CNTN4: variants seen among roughly 807,000 people sequenced by gnomAD.
CNTN4 encodes the protein contactin 4, also known as contactin-4.
Under a neutral mutation model 122.5 loss-of-function variants are expected in CNTN4, and 77 were observed. The ratio of observed to expected loss-of-function variants is 0.63; its 90% CI spans 0.52 to 0.76. The LOEUF (loss-of-function observed/expected upper bound fraction) is 0.76, where lower values mean the gene tolerates loss of function less well. Ranked by LOEUF, CNTN4 falls within the 30% of genes least tolerant of loss-of-function variation. The pLI is 0.00. For missense variants in CNTN4, 1,256 were observed against 1,259.1 expected (o/e 1.00, Z 0.04); for synonymous variants, 512 against 447.0 (o/e 1.15, Z -1.83).
At chr3:2,596,355 T>G (rs1435796359) in intron 4 of CNTN4, among the ~76,000 whole-genome samples, 3 of 152,198 alleles carry the variant, frequency 2.0e-5, no homozygotes, top group Admixed American at 6.5e-5. Context: ...TTATTTAATT[T>G]AAACATACTA....
intron 2 of CNTN4, among the ~76,000 whole-genome samples, chr3:2,310,515 C>A (rs1015253487): frequency 6.6e-6 from 1 of 152,084 alleles, no homozygotes; most frequent in Non-Finnish European, 1.5e-5. Context: ...CATAAGGGAC[C>A]GCCTTCCCAC....
intron 4 of CNTN4, among the ~76,000 whole-genome samples, chr3:2,629,963 C>T (rs1278154987): frequency 6.6e-6 from 1 of 152,210 alleles, no homozygotes; most frequent in Non-Finnish European, 1.5e-5. Context: ...GTTATCATTT[C>T]TCTTTACCTG....
At chr3:2,717,391 C>CT (rs751336026) in intron 4 of CNTN4, among the ~76,000 whole-genome samples, 1 of 152,146 alleles carries the variant, frequency 6.6e-6, no homozygotes, top group African/African-American at 2.4e-5. Context: ...GGGTACTAGT[C>CT]TTTAATAAGT....
intron 3 of CNTN4, among the ~76,000 whole-genome samples, chr3:2,511,920 A>G (rs1471366454): frequency 6.6e-6 from 1 of 152,142 alleles, no homozygotes; most frequent in Admixed American, 6.5e-5. Context: ...ATTAGAAATT[A>G]TTGGCTTTGT....
chr3:2,308,960 T>C (rs547965865), intron 2 of CNTN4, among the ~76,000 whole-genome samples: 85 of 152,272 alleles, frequency 5.6e-4, no homozygotes, highest in Non-Finnish European at 9.7e-4. Flanking sequence ...GAGTGTTCTA[T>C]ACCTGTTTGC....
At chr3:2,326,238 G>T (rs989554350) in intron 2 of CNTN4, among the ~76,000 whole-genome samples, 1 of 152,124 alleles carries the variant, frequency 6.6e-6, no homozygotes, top group Non-Finnish European at 1.5e-5. Flanking sequence ...TACTACCTTT[G>T]AACTGGGACA....
intron 4 of CNTN4, among the ~76,000 whole-genome samples, chr3:2,691,357 G>C (rs1375709049): frequency 6.6e-6 from 1 of 152,120 alleles, no homozygotes; most frequent in Non-Finnish European, 1.5e-5. Flanking sequence ...ATAATTTTAT[G>C]TATAATATAT....
At chr3:3,016,853 C>T (rs541423823) in intron 14 of CNTN4, among the ~76,000 whole-genome samples, 1 of 152,302 alleles carries the variant, frequency 6.6e-6, no homozygotes, top group Admixed American at 6.5e-5. Context: ...GAAAATAGAT[C>T]AGTAAGCATT....
intron 4 of CNTN4, among the ~76,000 whole-genome samples, chr3:2,682,564 A>G (rs2085218175): frequency 6.6e-6 from 1 of 152,194 alleles, no homozygotes; most frequent in South Asian, 2.1e-4. Flanking sequence ...GACATGCACT[A>G]GGCTAAAAAC....
At chr3:2,352,593 C>G (rs896156659) in intron 3 of CNTN4, among the ~76,000 whole-genome samples, 9 of 152,162 alleles carry the variant, frequency 5.9e-5, no homozygotes, top group Admixed American at 2.6e-4. Flanking sequence ...CAGTGCTGTG[C>G]TCAAATTCTC....
At chr3:2,641,631 T>C (rs1395953555) in intron 4 of CNTN4, among the ~76,000 whole-genome samples, 1 of 152,184 alleles carries the variant, frequency 6.6e-6, no homozygotes, top group Non-Finnish European at 1.5e-5. Flanking sequence ...ATGACCCTAG[T>C]CTACATTCCT....
At chr3:2,719,298 CTTT>C (rs59683109) in intron 4 of CNTN4, among the ~76,000 whole-genome samples, 5 of 141,080 alleles carry the variant, frequency 3.5e-5, no homozygotes, top group East Asian at 2.1e-4. Context: ...CAAGACTTCA[CTTT>C]TTTTTTTTTT....
At chr3:2,115,225 G>C (rs569116682) in intron 2 of CNTN4, among the ~76,000 whole-genome samples, 8 of 152,282 alleles carry the variant, frequency 5.3e-5, no homozygotes, top group Non-Finnish European at 1.0e-4. Flanking sequence ...ATGAAGAAAT[G>C]GTTAGTAGAT....
At chr3:3,055,097 T>C (rs1378956147) in intron 24 of CNTN4, among the ~76,000 whole-genome samples, 1 of 152,226 alleles carries the variant, frequency 6.6e-6, no homozygotes, top group Non-Finnish European at 1.5e-5. Flanking sequence ...TTATATTTAC[T>C]GCATCTTTTT....
chr3:2,789,330 T>G (rs1424056847), intron 6 of CNTN4, among the ~76,000 whole-genome samples: 2 of 152,204 alleles, frequency 1.3e-5, no homozygotes, highest in African/African-American at 4.8e-5. Context: ...ACATGTAAAG[T>G]GTGGAATTAT....
At chr3:2,102,186 T>C (rs2032033494) in intron 2 of CNTN4, among the ~76,000 whole-genome samples, 1 of 152,092 alleles carries the variant, frequency 6.6e-6, no homozygotes, top group Admixed American at 6.6e-5. Flanking sequence ...AAGGAGTAAA[T>C]GAGGGAGGAT....
chr3:2,506,063 C>T (rs2076723138), intron 3 of CNTN4, among the ~76,000 whole-genome samples: 1 of 151,560 alleles, frequency 6.6e-6, no homozygotes, highest in Non-Finnish European at 1.5e-5. Context: ...AAATATAGAA[C>T]ATTTTAGATT....
At chr3:2,656,290 T>A (rs2083588726) in intron 4 of CNTN4, among the ~76,000 whole-genome samples, 1 of 152,184 alleles carries the variant, frequency 6.6e-6, no homozygotes, top group Admixed American at 6.5e-5. Context: ...TAAATTCAAA[T>A]GGATAAGAAG....
intron 7 of CNTN4, among the ~76,000 whole-genome samples, chr3:2,861,139 TATCCTATTTTTC>T (rs2093667517): frequency 6.6e-6 from 1 of 152,222 alleles, no homozygotes; most frequent in Admixed American, 6.5e-5. Context: ...TTCTTTTAAT[TATCCTATTTTTC>T]AGATGAGAAA....
Sources: allele counts gnomAD v4.1 joint callset (sites outside exome capture counted in the v4.1 genomes callset), GRCh38; gene constraint gnomAD v4.1.1; transcripts MANE v1.5; gene names NCBI Gene and HGNC (gene_info 2026-07-23, HGNC 2026-07-21).